Variants in PPP2CB observed in about 807,000 individuals in gnomAD.
PPP2CB encodes the protein serine/threonine-protein phosphatase 2A catalytic subunit beta isoform.
A neutral mutation model predicts 39.1 loss-of-function variants in PPP2CB; 18 were observed. That is an observed-to-expected ratio of 0.46 (90% CI 0.32 to 0.68). The LOEUF is 0.68. PPP2CB is among the 30% of genes least tolerant of loss of function. The probability of loss-of-function intolerance (pLI) is 0.04; values close to 1 mark genes in which losing one functional copy is unlikely to be tolerated. For synonymous variants in PPP2CB, 129 were observed against 133.8 expected, an observed-to-expected ratio of 0.96 and a Z score of 0.25; for missense variants, 226 against 396.9, an observed-to-expected ratio of 0.57 and a Z score of 3.66.
intron 5 of PPP2CB, 136 bp downstream of exon 5, chr8:30,793,781 C>T: frequency 9.6e-7 from 1 of 1,042,668 alleles, no homozygotes; most frequent in Non-Finnish European, 1.3e-6. Context: ...TCCCTACTTG[C>T]TAAAACCAGC....
At chr8:30,798,399 T>C (rs866591233) in intron 2 of PPP2CB, among the ~76,000 whole-genome samples, 10 of 152,354 alleles carry the variant, frequency 6.6e-5, no homozygotes, top group African/African-American at 1.9e-4. Flanking sequence ...AATTCATACA[T>C]ATTTTACTAA....
intron 6 of PPP2CB, 103 bp downstream of exon 6, chr8:30,791,094 T>G: frequency 4.3e-6 from 3 of 702,712 alleles, no homozygotes; most frequent in Non-Finnish European, 6.9e-6. Flanking sequence ...GAGAGGGGCT[T>G]TGCTATACTC....
intron 1 of PPP2CB, among the ~76,000 whole-genome samples, chr8:30,802,383 T>C (rs1408026181): frequency 1.3e-5 from 2 of 152,070 alleles, no homozygotes; most frequent in African/African-American, 4.8e-5. Flanking sequence ...CTGAGGAGAT[T>C]ATATACAGAA....
chr8:30,796,740 AGAAATTGAAATAG>A lies in PPP2CB; in HGVS notation c.486+828_486+840del, dbSNP rs557849066. On this transcript the variant is annotated intron_variant, in intron 3 of 6. Coordinates refer to ENST00000221138, the MANE Select transcript of PPP2CB (RefSeq NM_001009552.2). ...GTTCATGCTTACAGTGATTATCTCT[AGAAATTGAAATAG>A]GAAATTTGCATAATTTCTTCTTATA... is the stretch of plus-strand genomic sequence containing the variant. Among the ~76,000 whole-genome samples the A allele has an allele frequency of 9.2e-5, 14 of 152,332 alleles. No homozygotes were observed. The South Asian group carries it at 2.9e-3, about 32-fold the overall frequency.
At chr8:30,805,869 T>C (rs1171375514) in intron 1 of PPP2CB, among the ~76,000 whole-genome samples, 1 of 152,150 alleles carries the variant, frequency 6.6e-6, no homozygotes, top group Non-Finnish European at 1.5e-5. Flanking sequence ...TTTTAATTCA[T>C]TTGATCACAA....
rs1806859856 is a variant in PPP2CB at position 30,812,551 on chromosome 8, G to A, written c.-130C>T. 3 of 546,526 alleles carry A rather than the reference G, an allele frequency of 5.5e-6. No individual in the cohort carries two copies. Among genetic ancestry groups the A allele is most frequent in the Non-Finnish European group, 8.4e-6 (3 of 356,248 alleles). 33.9% of individuals were successfully genotyped at this position (546,526 alleles called of 1,614,324 possible). A position where few individuals can be genotyped will look rare whatever the true frequency, so the allele number is the denominator to read the frequency against. On this transcript the variant is annotated 5_prime_UTR_variant, in exon 1 of 7. Coordinates refer to ENST00000221138, the MANE Select transcript of PPP2CB (RefSeq NM_001009552.2). ...CGCCGCCGTCGCCAGGTCCCACAGG[G>A]GGAGGACTGAGCCGGGTAGGGCGGC...
At chr8:30,788,883 G>A (rs1254278404) in intron 6 of PPP2CB, among the ~76,000 whole-genome samples, 5 of 152,096 alleles carry the variant, frequency 3.3e-5, no homozygotes, top group South Asian at 2.1e-4. Context: ...TGAAAAATTG[G>A]ACATTATAGA....
At chr8:30,806,096 G>A (rs2128762573) in intron 1 of PPP2CB, among the ~76,000 whole-genome samples, 1 of 148,942 alleles carries the variant, frequency 6.7e-6, no homozygotes, top group East Asian at 2.0e-4. Context: ...CACCCAGGCT[G>A]GAATGCAGTG....
At chr8:30,796,903 G>T (rs1806536533) in intron 3 of PPP2CB, among the ~76,000 whole-genome samples, 2 of 152,144 alleles carry the variant, frequency 1.3e-5, no homozygotes, top group Admixed American at 6.5e-5. Flanking sequence ...TGAAGCCCAG[G>T]CTGGATCACG....
chr8:30,799,658 T>G lies in PPP2CB; in HGVS notation c.200A>C (p.Glu67Ala). 1 of 1,614,024 alleles carries G rather than the reference T, an allele frequency of 6.2e-7. No homozygotes were observed. The highest frequency in any genetic ancestry group is 8.5e-7 in the Non-Finnish European group (1 of 1,179,876). Residue 67 changes from glutamate (E) to alanine (A), a missense_variant, in exon 2 of 7, where the codon GAA (glutamate) becomes GCA (alanine). Glu to Ala is a moderately radical substitution (Grantham distance 107, BLOSUM62 -1). Transcript: ENST00000221138. Reference protein sequence around the residue: ...DVHGQFHDLMELFRIGGKSPD... With the variant: ...DVHGQFHDLMALFRIGGKSPD... Reference sequence around the variant, plus strand: ...TGATTTTCCACCAATTCTAAAGAGTTCCATAAGATCATGAAATTGACCATG... The same window carrying G: ...TGATTTTCCACCAATTCTAAAGAGTGCCATAAGATCATGAAATTGACCATG...
intron 5 of PPP2CB, among the ~76,000 whole-genome samples, chr8:30,791,979 T>C (rs914459390): frequency 4.1e-5 from 6 of 146,014 alleles, no homozygotes; most frequent in African/African-American, 7.9e-5. Context: ...TGTATATGTG[T>C]ATATATACGT....
rs1021662375 is a variant in PPP2CB at position 30,793,672 on chromosome 8, T to C, written c.738+245A>G. On this transcript the variant is annotated intron_variant, in intron 5 of 6. Transcript: ENST00000221138. ...AAATATTTACAGTCAGGAATCTGAA[T>C]GAAGCATACAGGGAATTATGGGGTA... is the stretch of plus-strand genomic sequence containing the variant. The C allele has an allele frequency of 3.6e-5, 13 of 363,188 alleles. 1 individual carries two copies. The highest frequency in any genetic ancestry group is 8.6e-5 in the East Asian group (2 of 23,178). The allele number at this position is 363,188 out of a possible 1,614,324, so 22.5% of individuals were successfully genotyped here.
intron 1 of PPP2CB, among the ~76,000 whole-genome samples, chr8:30,802,262 T>C (rs769068851): frequency 1.3e-5 from 2 of 152,198 alleles, no homozygotes; most frequent in Non-Finnish European, 2.9e-5. Context: ...TTTCCTGAGA[T>C]CACAAATTAA....
At chr8:30,797,203 A>C (rs553292473) in intron 3 of PPP2CB, among the ~76,000 whole-genome samples, 5 of 152,318 alleles carry the variant, frequency 3.3e-5, no homozygotes, top group Admixed American at 3.3e-4. Flanking sequence ...AATAGAAATG[A>C]AAAGTTATTC....
chr8:30,791,436 T>G, intron 5 of PPP2CB, 121 bp from the exon 6 acceptor site: 1 of 715,656 alleles, frequency 1.4e-6, no homozygotes, highest in Non-Finnish European at 2.4e-6. Flanking sequence ...GTCGTCTATA[T>G]TACTATATAA....
intron 1 of PPP2CB, among the ~76,000 whole-genome samples, chr8:30,808,433 T>C (rs986186233): frequency 2.6e-5 from 4 of 152,006 alleles, no homozygotes; most frequent in African/African-American, 7.2e-5. Context: ...TGAATTAGAA[T>C]AGAAATTTAA....
intron 1 of PPP2CB, among the ~76,000 whole-genome samples, chr8:30,803,819 ATT>A (rs530807091): frequency 5.5e-5 from 8 of 145,286 alleles, no homozygotes; most frequent in Non-Finnish European, 1.1e-4. Context: ...ACAAAATACA[ATT>A]TTTTTTTTTT....
Position 30,785,928 on chromosome 8 carries a change from G to A in PPP2CB, c.*307C>T, listed in dbSNP as rs190159385. 3.1e-5 allele frequency: 16 copies of A among 509,228 alleles called. No individual in the cohort carries two copies. The highest frequency in any genetic ancestry group is 1.4e-4 in the South Asian group (9 of 63,620). The allele number at this position is 509,228 out of a possible 1,614,324, so 31.5% of individuals were successfully genotyped here. A position where few individuals can be genotyped will look rare whatever the true frequency, so the allele number is the denominator to read the frequency against. ...CTATAACTAAAATTTCCAAATAAGC[G>A]CAAAAGGAGATGAAGCAGTTAGTTA... On this transcript the variant is annotated 3_prime_UTR_variant, in exon 7 of 7. Coordinates refer to ENST00000221138, the MANE Select transcript of PPP2CB (RefSeq NM_001009552.2).
chr8:30,794,407 T>C (rs1806486113), intron 3 of PPP2CB, 126 bp from the exon 4 acceptor site: 19 of 798,444 alleles, frequency 2.4e-5, no homozygotes, highest in Non-Finnish European at 2.9e-5. Context: ...TTGTCCATCA[T>C]TTTTTCTTCT....
Sources: gnomAD v4.1 joint callset for allele counts (sites outside exome capture counted in the v4.1 genomes callset) on GRCh38, gnomAD v4.1.1 for gene constraint, MANE v1.5 for transcripts, NCBI Gene and HGNC (gene_info 2026-07-23, HGNC 2026-07-21) for gene names.